CACNA2D3: variants seen among roughly 807,000 people sequenced by gnomAD.
The protein encoded by CACNA2D3 is calcium voltage-gated channel auxiliary subunit alpha2delta 3.
CACNA2D3 carries 60 observed loss-of-function variants against 160.6 expected under a neutral mutation model. The ratio of observed to expected loss-of-function variants is 0.37; its 90% CI spans 0.30 to 0.46. The LOEUF (loss-of-function observed/expected upper bound fraction) is 0.46, where lower values mean the gene tolerates loss of function less well. Among genes scored for constraint, CACNA2D3 ranks in the 20% least tolerant of loss-of-function variants. The pLI is 1.00. For missense variants in CACNA2D3, 1,205 were observed against 1,365.0 expected (o/e 0.88, Z 1.85); for synonymous variants, 558 against 492.9 (o/e 1.13, Z -1.75).
chr3:54,845,859 T>A (rs1698919944), intron 16 of CACNA2D3, among the ~76,000 whole-genome samples: 1 of 152,172 alleles, frequency 6.6e-6, no homozygotes, highest in African/African-American at 2.4e-5. Flanking sequence ...GTTGCCAGGC[T>A]CCTGTGTAGG....
chr3:54,813,293 G>T (rs1703369190), intron 13 of CACNA2D3, among the ~76,000 whole-genome samples: 2 of 152,180 alleles, frequency 1.3e-5, no homozygotes, highest in South Asian at 4.1e-4. Flanking sequence ...AGCCTGGTTG[G>T]CAATGCCTGA....
intron 11 of CACNA2D3, among the ~76,000 whole-genome samples, chr3:54,679,385 G>C (rs1700302215): frequency 6.6e-6 from 1 of 152,180 alleles, no homozygotes; most frequent in Admixed American, 6.5e-5. Context: ...ATAGATGCTA[G>C]AGCGGTTGAG....
chr3:54,775,943 T>C (rs1485400415), intron 13 of CACNA2D3, among the ~76,000 whole-genome samples: 2 of 152,206 alleles, frequency 1.3e-5, no homozygotes, highest in Admixed American at 6.5e-5. Context: ...TTCTTTTTTC[T>C]TGTCCCTCCT....
At position 54,181,656 on chromosome 3, in the gene CACNA2D3, C is replaced by T. The variant is rs373263023; in HGVS notation, c.204+58062C>T. On this transcript the variant is annotated intron_variant, in intron 2 of 37. Transcript: ENST00000474759. ...GGGCAGAGTCAGGATTTGAACCCAT[C>T]ATCTATACTTAAAAAATTTTTTGAG... Among the ~76,000 whole-genome samples the T allele has an allele frequency of 6.6e-5, 10 of 152,214 alleles. No homozygotes were observed. The East Asian group carries it at 1.5e-3, about 23-fold the overall frequency.
rs77398929 is a variant in CACNA2D3 at position 54,401,136 on chromosome 3, C to G, written c.381+14362C>G. Among the ~76,000 whole-genome samples, 537 of 151,746 alleles carry G rather than the reference C, an allele frequency of 3.5e-3. 21 individuals carry two copies. In the East Asian group the frequency reaches 0.075, roughly 21 times the overall value. On this transcript the variant is annotated intron_variant, in intron 4 of 37. Coordinates refer to ENST00000474759, the MANE Select transcript of CACNA2D3 (RefSeq NM_018398.3). ...AGAAAACTTCAACATCAGACTAGAT[C>G]AAGCAGAAGAAAGAAACTCTGAACT...
intron 3 of CACNA2D3, among the ~76,000 whole-genome samples, chr3:54,384,674 G>T (rs1054847503): frequency 2.6e-5 from 4 of 152,018 alleles, no homozygotes; most frequent in African/African-American, 4.8e-5. Flanking sequence ...TTTCTGTAAA[G>T]AATTTTATGT....
chr3:54,468,737 G>T (rs1053546347), intron 4 of CACNA2D3, among the ~76,000 whole-genome samples: 2 of 152,180 alleles, frequency 1.3e-5, no homozygotes, highest in Non-Finnish European at 2.9e-5. Flanking sequence ...CTCAAGCTTG[G>T]TGGGGGGAGG....
At chr3:54,274,226 A>T (rs745967576) in intron 2 of CACNA2D3, among the ~76,000 whole-genome samples, 33 of 152,188 alleles carry the variant, frequency 2.2e-4, no homozygotes, top group South Asian at 8.3e-4. Flanking sequence ...ATATATATAT[A>T]TATAAGAAAT....
chr3:55,016,042 AAC>A (rs1218854423), intron 34 of CACNA2D3, among the ~76,000 whole-genome samples: 1 of 152,184 alleles, frequency 6.6e-6, no homozygotes, highest in Non-Finnish European at 1.5e-5. Context: ...TTTGTTTGAA[AAC>A]ACTACTCAAG....
intron 11 of CACNA2D3, among the ~76,000 whole-genome samples, chr3:54,711,779 C>T (rs1254731556): frequency 1.3e-5 from 2 of 152,210 alleles, no homozygotes; most frequent in Admixed American, 6.5e-5. Context: ...ACCTGCCCTT[C>T]CTCATCTGCT....
At chr3:54,370,222 G>A (rs1698900780) in intron 3 of CACNA2D3, among the ~76,000 whole-genome samples, 1 of 152,172 alleles carries the variant, frequency 6.6e-6, no homozygotes, top group Non-Finnish European at 1.5e-5. Context: ...TTTAGCTTCG[G>A]ATTGAGCTAG....
intron 2 of CACNA2D3, among the ~76,000 whole-genome samples, chr3:54,215,009 G>A (rs1261137644): frequency 6.6e-6 from 1 of 152,086 alleles, no homozygotes; most frequent in East Asian, 1.9e-4. Context: ...CATCTTCCAG[G>A]CGTCAGTCAG....
intron 3 of CACNA2D3, among the ~76,000 whole-genome samples, chr3:54,342,275 C>G (rs1489441490): frequency 6.6e-6 from 1 of 152,068 alleles, no homozygotes; most frequent in East Asian, 1.9e-4. Context: ...AAATAATAGG[C>G]ATTAGAGGGA....
At chr3:54,817,934 A>G (rs1469947186) in intron 14 of CACNA2D3, among the ~76,000 whole-genome samples, 1 of 152,250 alleles carries the variant, frequency 6.6e-6, no homozygotes, top group African/African-American at 2.4e-5. Context: ...TTCAAGGCTC[A>G]CAACAGCTTC....
chr3:54,616,813 A>T (rs920601690), intron 9 of CACNA2D3, among the ~76,000 whole-genome samples: 1 of 152,182 alleles, frequency 6.6e-6, no homozygotes, highest in Non-Finnish European at 1.5e-5. Context: ...TCATTCTCTC[A>T]TTCTTAAAAG....
intron 11 of CACNA2D3, among the ~76,000 whole-genome samples, chr3:54,738,387 C>T (rs1156321804): frequency 6.6e-6 from 1 of 152,160 alleles, no homozygotes; most frequent in East Asian, 1.9e-4. Context: ...GTCATAAGAG[C>T]CATTGGCTTT....
At chr3:54,945,076 A>G (rs910150607) in intron 27 of CACNA2D3, among the ~76,000 whole-genome samples, 9 of 152,202 alleles carry the variant, frequency 5.9e-5, no homozygotes, top group African/African-American at 2.2e-4. Context: ...TTTGGGGGCT[A>G]TAAGCTTGTT....
chr3:54,331,343 C>T (rs117875250), intron 3 of CACNA2D3, among the ~76,000 whole-genome samples: 1,758 of 152,278 alleles, frequency 0.012, 28 homozygotes, highest in South Asian at 0.044. Context: ...GCTCCGTAGT[C>T]GTTTATTTGC....
chr3:54,645,598 T>G (rs928860564), intron 11 of CACNA2D3, among the ~76,000 whole-genome samples: 4 of 152,126 alleles, frequency 2.6e-5, no homozygotes, highest in African/African-American at 9.7e-5. Flanking sequence ...CCCACAGGTG[T>G]GGAGTTCCTG....
Sources: gnomAD v4.1 joint callset for allele counts (sites outside exome capture counted in the v4.1 genomes callset) on GRCh38, gnomAD v4.1.1 for gene constraint, MANE v1.5 for transcripts, NCBI Gene and HGNC (gene_info 2026-07-23, HGNC 2026-07-21) for gene names.